Variants in ARNT2 observed in about 807,000 individuals in gnomAD.
ARNT2 encodes the protein ARNT protein 2.
A neutral mutation model predicts 91.7 loss-of-function variants in ARNT2; 36 were observed. The ratio of observed to expected loss-of-function variants is 0.39; its 90% CI spans 0.30 to 0.52. The LOEUF (loss-of-function observed/expected upper bound fraction) is 0.52, where lower values mean the gene tolerates loss of function less well. ARNT2 is among the 20% of genes least tolerant of loss of function. ARNT2 has a pLI of 0.72. For synonymous variants in ARNT2, 365 were observed against 347.1 expected (o/e 1.05, Z -0.57); for missense variants, 775 against 939.3 (o/e 0.83, Z 2.29).
At chr15:80,516,593 G>T (rs1325114526) in intron 8 of ARNT2, among the ~76,000 whole-genome samples, 1 of 151,718 alleles carries the variant, frequency 6.6e-6, no homozygotes, top group Non-Finnish European at 1.5e-5. Context: ...ACAACATATA[G>T]TTGGATCTAG....
chr15:80,576,837 G>A lies in ARNT2; in HGVS notation c.1514-29G>A, dbSNP rs1448038750. The stretch of plus-strand genomic sequence containing the variant: ...GTGGTCTGCAGAGCAGGGAACCTTC[G>A]CATGTGACTCCTGCTCTGGTTTTCC... On this transcript the variant is annotated intron_variant, in intron 14 of 18. Coordinates refer to ENST00000303329, the MANE Select transcript of ARNT2 (RefSeq NM_014862.4). 25 of 1,612,600 alleles carry A rather than the reference G, an allele frequency of 1.6e-5. No individual in the cohort carries two copies. The Admixed American group carries it at 2.5e-4, about 16-fold the overall frequency.
intron 1 of ARNT2, among the ~76,000 whole-genome samples, chr15:80,446,405 G>C (rs1319874927): frequency 6.6e-6 from 1 of 152,138 alleles, no homozygotes; most frequent in Non-Finnish European, 1.5e-5. Flanking sequence ...GGACCCCATG[G>C]CTAGATGGAG....
At chr15:80,439,440 G>A (rs925435559) in intron 1 of ARNT2, among the ~76,000 whole-genome samples, 3 of 152,106 alleles carry the variant, frequency 2.0e-5, no homozygotes, top group Admixed American at 6.5e-5. Context: ...ATAGGTTTTG[G>A]GCAAATAGTG....
At chr15:80,437,531 C>T (rs961051779) in intron 1 of ARNT2, among the ~76,000 whole-genome samples, 1 of 152,238 alleles carries the variant, frequency 6.6e-6, no homozygotes, top group Non-Finnish European at 1.5e-5. Flanking sequence ...ACAGTGTTGC[C>T]ATGTGGATTT....
intron 5 of ARNT2, among the ~76,000 whole-genome samples, chr15:80,475,786 A>G (rs1896793861): frequency 1.3e-5 from 2 of 152,348 alleles, no homozygotes; most frequent in East Asian, 1.9e-4. Context: ...AGCCAGATCC[A>G]TATGCCCTGT....
intron 11 of ARNT2, among the ~76,000 whole-genome samples, chr15:80,558,615 C>T (rs900853949): frequency 7.9e-5 from 12 of 152,154 alleles, no homozygotes; most frequent in Non-Finnish European, 1.2e-4. Context: ...GCTGGGATTA[C>T]AGGCATGAGC....
At chr15:80,536,074 G>A (rs867504331) in intron 8 of ARNT2, among the ~76,000 whole-genome samples, 3 of 152,322 alleles carry the variant, frequency 2.0e-5, no homozygotes, top group Admixed American at 6.5e-5. Flanking sequence ...CAACTTGCTG[G>A]CATTGAAGCA....
intron 8 of ARNT2, among the ~76,000 whole-genome samples, chr15:80,525,466 G>A (rs1897625045): frequency 6.6e-6 from 1 of 152,068 alleles, no homozygotes; most frequent in Non-Finnish European, 1.5e-5. Context: ...TCATTCTAGT[G>A]CGTAGCTCAG....
At chr15:80,553,493 A>T (rs747708029) in intron 10 of ARNT2, among the ~76,000 whole-genome samples, 2 of 152,232 alleles carry the variant, frequency 1.3e-5, no homozygotes, top group Non-Finnish European at 2.9e-5. Flanking sequence ...TTTTTATGAG[A>T]TACATGCTAA....
At chr15:80,405,372 TGCAGAG>T (rs1379203849) in intron 1 of ARNT2, among the ~76,000 whole-genome samples, 2 of 152,086 alleles carry the variant, frequency 1.3e-5, no homozygotes, top group Non-Finnish European at 2.9e-5. Flanking sequence ...TTGGGTGTTG[TGCAGAG>T]GCTGCTGTGG....
intron 12 of ARNT2, among the ~76,000 whole-genome samples, chr15:80,569,926 C>T (rs1236385412): frequency 6.6e-6 from 1 of 152,204 alleles, no homozygotes; most frequent in African/African-American, 2.4e-5. Flanking sequence ...GGGCCTGGGC[C>T]AGAGAATGGT....
At chr15:80,459,288 C>G (rs571686971) in intron 3 of ARNT2, among the ~76,000 whole-genome samples, 9 of 152,306 alleles carry the variant, frequency 5.9e-5, no homozygotes, top group African/African-American at 2.2e-4. Context: ...GTTTCAATAA[C>G]AAAAGCATGT....
chr15:80,581,142 G>A, intron 16 of ARNT2, 97 bp from the exon 17 acceptor site: 1 of 1,440,584 alleles, frequency 6.9e-7, no homozygotes, highest in Non-Finnish European at 9.6e-7. Flanking sequence ...TGTCAACCCA[G>A]AGCAGGCACT....
Position 80,576,980 on chromosome 15 carries a change from G to C in ARNT2, c.1613+15G>C, listed in dbSNP as rs773189121. On this transcript the variant is annotated intron_variant, in intron 15 of 18. Transcript: ENST00000303329. ...AAGGCCTTCAGGTATGTGCCAGCGA[G>C]GGGGACAATGGCGTGGGAAGATGCT... 6.2e-7 allele frequency: 1 copy of C among 1,612,158 alleles called. No individual in the cohort carries two copies. Among genetic ancestry groups the C allele is most frequent in the Admixed American group, 1.7e-5 (1 of 60,008 alleles).
chr15:80,523,651 C>T (rs1049572443), intron 8 of ARNT2, among the ~76,000 whole-genome samples: 1 of 152,196 alleles, frequency 6.6e-6, no homozygotes, highest in African/African-American at 2.4e-5. Context: ...CTCCAGCCCC[C>T]TGATATCACA....
chr15:80,581,514 C>T (rs1158170720), intron 17 of ARNT2, 110 bp downstream of exon 17: 1 of 1,423,204 alleles, frequency 7.0e-7, no homozygotes, highest in Non-Finnish European at 9.6e-7. Flanking sequence ...AAAACAAGGT[C>T]TGGAGGTTTC....
chr15:80,521,714 A>C (rs1897549660), intron 8 of ARNT2, among the ~76,000 whole-genome samples: 1 of 152,168 alleles, frequency 6.6e-6, no homozygotes. Flanking sequence ...GGAGTAAATA[A>C]AACGTTTCGT....
intron 5 of ARNT2, among the ~76,000 whole-genome samples, chr15:80,501,417 A>G (rs1420183056): frequency 6.6e-6 from 1 of 152,244 alleles, no homozygotes; most frequent in Non-Finnish European, 1.5e-5. Flanking sequence ...ACGCACCTAA[A>G]TGTGAACAGT....
chr15:80,442,687 C>A, intron 1 of ARNT2: 1 of 234,620 alleles, frequency 4.3e-6, no homozygotes, highest in Non-Finnish European at 7.0e-6. Flanking sequence ...CCCCCTGATT[C>A]AATGAACCGA....
Sources: gnomAD v4.1 joint callset for allele counts (sites outside exome capture counted in the v4.1 genomes callset) on GRCh38, gnomAD v4.1.1 for gene constraint, MANE v1.5 for transcripts, NCBI Gene and HGNC (gene_info 2026-07-23, HGNC 2026-07-21) for gene names.